Variants in TTC28 observed in about 807,000 individuals in gnomAD.
TTC28 encodes tetratricopeptide repeat domain 28, also known as tetratricopeptide repeat protein 28.
Under a neutral mutation model 198.0 loss-of-function variants are expected in TTC28, and 61 were observed. That is an observed-to-expected ratio of 0.31 (90% CI 0.25 to 0.38). The LOEUF (loss-of-function observed/expected upper bound fraction) is 0.38, where lower values mean the gene tolerates loss of function less well. TTC28 is among the 10% of genes least tolerant of loss of function. The probability of loss-of-function intolerance (pLI) is 1.00; values close to 1 mark genes in which losing one functional copy is unlikely to be tolerated. For synonymous variants in TTC28, 1,171 were observed against 1,297.8 expected, an observed-to-expected ratio of 0.90 and a Z score of 2.10; for missense variants, 2,678 against 3,164.0, an observed-to-expected ratio of 0.85 and a Z score of 3.69.
chr22:28,536,509 G>A (rs918576913), intron 2 of TTC28, among the ~76,000 whole-genome samples: 17 of 151,578 alleles, frequency 1.1e-4, no homozygotes, highest in Non-Finnish European at 2.2e-4. Flanking sequence ...CTGTAGTCCC[G>A]GCTACTCGCG....
chr22:28,621,053 C>A (rs938553509), intron 2 of TTC28, among the ~76,000 whole-genome samples: 8 of 152,154 alleles, frequency 5.3e-5, no homozygotes, highest in African/African-American at 1.7e-4. Context: ...GGTTACATTC[C>A]AGAATGCTCA....
At chr22:28,227,783 A>G (rs1928464881) in intron 5 of TTC28, among the ~76,000 whole-genome samples, 1 of 152,142 alleles carries the variant, frequency 6.6e-6, no homozygotes, top group South Asian at 2.1e-4. Context: ...GTAAAATGGT[A>G]CAACCATTGT....
At chr22:28,621,771 G>GA (rs1555902981) in intron 2 of TTC28, among the ~76,000 whole-genome samples, 2 of 141,348 alleles carry the variant, frequency 1.4e-5, no homozygotes, top group South Asian at 2.2e-4. Context: ...AAGAAAGAAA[G>GA]AAAGAAAAGA....
At chr22:28,577,066 T>C (rs1267829362) in intron 2 of TTC28, among the ~76,000 whole-genome samples, 7 of 152,114 alleles carry the variant, frequency 4.6e-5, no homozygotes, top group Non-Finnish European at 7.4e-5. Flanking sequence ...TGTTAGATTG[T>C]TTATTTGAAG....
At chr22:28,568,583 C>T (rs1468745041) in intron 2 of TTC28, among the ~76,000 whole-genome samples, 3 of 152,026 alleles carry the variant, frequency 2.0e-5, no homozygotes, top group African/African-American at 7.2e-5. Flanking sequence ...TAGCTAAGAG[C>T]CAAATCAAGA....
At chr22:28,285,888 C>T (rs977798613) in intron 5 of TTC28, among the ~76,000 whole-genome samples, 1 of 152,120 alleles carries the variant, frequency 6.6e-6, no homozygotes, top group Admixed American at 6.5e-5. Flanking sequence ...ACCCAAAAAA[C>T]TCCCTGAATT....
intron 2 of TTC28, among the ~76,000 whole-genome samples, chr22:28,325,411 A>C (rs2045513024): frequency 6.6e-6 from 1 of 151,890 alleles, no homozygotes; most frequent in Non-Finnish European, 1.5e-5. Context: ...ATTTTATATT[A>C]TGTGAACCTC....
At chr22:28,366,061 C>A (rs1371839232) in intron 2 of TTC28, among the ~76,000 whole-genome samples, 1 of 152,168 alleles carries the variant, frequency 6.6e-6, no homozygotes, top group Non-Finnish European at 1.5e-5. Flanking sequence ...TACAATTTGG[C>A]AGCGGTTAGC....
intron 2 of TTC28, among the ~76,000 whole-genome samples, chr22:28,592,715 A>T (rs962561098): frequency 2.0e-5 from 3 of 152,126 alleles, no homozygotes; most frequent in Non-Finnish European, 4.4e-5. Context: ...TCTTGTGGAC[A>T]CTTTCCTTCA....
chr22:28,187,450 T>C (rs1924304159), intron 5 of TTC28, among the ~76,000 whole-genome samples: 2 of 152,160 alleles, frequency 1.3e-5, no homozygotes, highest in South Asian at 4.1e-4. Flanking sequence ...CCTGAACCAA[T>C]GGTAAAAGGC....
intron 12 of TTC28, among the ~76,000 whole-genome samples, chr22:28,035,168 C>T (rs1452516365): frequency 6.6e-6 from 1 of 152,190 alleles, no homozygotes; most frequent in Non-Finnish European, 1.5e-5. Flanking sequence ...TTTACTAACT[C>T]ACTGTGTCTC....
intron 6 of TTC28, among the ~76,000 whole-genome samples, chr22:28,138,799 A>G (rs560091184): frequency 4.6e-5 from 7 of 152,326 alleles, no homozygotes; most frequent in African/African-American, 1.4e-4. Context: ...CATTAACTCA[A>G]TGTGTAGGAA....
At chr22:28,531,500 T>C (rs1221539886) in intron 2 of TTC28, among the ~76,000 whole-genome samples, 1 of 152,110 alleles carries the variant, frequency 6.6e-6, no homozygotes, top group Non-Finnish European at 1.5e-5. Flanking sequence ...AACAGATCAA[T>C]GAGACAGAAA....
chr22:28,621,785 G>GAA (rs2051004406), intron 2 of TTC28, among the ~76,000 whole-genome samples: 7 of 140,476 alleles, frequency 5.0e-5, no homozygotes, highest in Non-Finnish European at 1.6e-5. Context: ...GAAAAGAAAA[G>GAA]AAAAAGAGTA....
At chr22:28,501,388 G>C (rs1413279743) in intron 2 of TTC28, among the ~76,000 whole-genome samples, 1 of 152,132 alleles carries the variant, frequency 6.6e-6, no homozygotes, top group Non-Finnish European at 1.5e-5. Context: ...AAAATGGTAT[G>C]ACGTGTGAAG....
chr22:28,364,700 T>A (rs906627063), intron 2 of TTC28, among the ~76,000 whole-genome samples: 5 of 152,210 alleles, frequency 3.3e-5, no homozygotes, highest in Non-Finnish European at 7.3e-5. Flanking sequence ...AAGTATTAAC[T>A]GCAGATGTGT....
At chr22:28,466,999 C>T (rs1315843814) in intron 2 of TTC28, among the ~76,000 whole-genome samples, 1 of 152,058 alleles carries the variant, frequency 6.6e-6, no homozygotes, top group African/African-American at 2.4e-5. Flanking sequence ...ATTAGAACCC[C>T]CATCCAAAAA....
chr22:28,242,224 CCTT>C (rs1193616214), intron 5 of TTC28, among the ~76,000 whole-genome samples: 1 of 152,178 alleles, frequency 6.6e-6, no homozygotes, highest in Non-Finnish European at 1.5e-5. Flanking sequence ...GCCCTTTACT[CCTT>C]CTAATGGAGT....
chr22:28,109,021 C>A (rs1942407116), intron 6 of TTC28, among the ~76,000 whole-genome samples: 4 of 152,326 alleles, frequency 2.6e-5, no homozygotes, highest in African/African-American at 9.6e-5. Flanking sequence ...CTGGAACAAC[C>A]TTTTTGCATA....
Sources: gnomAD v4.1 joint callset for allele counts (sites outside exome capture counted in the v4.1 genomes callset) on GRCh38, gnomAD v4.1.1 for gene constraint, MANE v1.5 for transcripts, NCBI Gene and HGNC (gene_info 2026-07-23, HGNC 2026-07-21) for gene names.